The following TENM2 variants were observed in gnomAD, a reference collection of about 807,000 sequenced individuals.
TENM2 encodes the protein teneurin-2.
Under a neutral mutation model 245.2 loss-of-function variants are expected in TENM2, and 52 were observed. That is an observed-to-expected ratio of 0.21 (90% CI 0.17 to 0.27). TENM2 has a LOEUF of 0.27. Among genes scored for constraint, TENM2 ranks in the 10% least tolerant of loss-of-function variants. The pLI, the probability that TENM2 is intolerant of heterozygous loss-of-function variation, is 1.00. For synonymous variants in TENM2, 1,363 were observed against 1,438.9 expected (o/e 0.95, Z 1.19); for missense variants, 3,046 against 3,666.8 (o/e 0.83, Z 4.37).
chr5:167,371,737 C>G (rs1489058633), intron 1 of TENM2, among the ~76,000 whole-genome samples: 1 of 152,012 alleles, frequency 6.6e-6, no homozygotes, highest in African/African-American at 2.4e-5. Context: ...ATGCCTTTTT[C>G]CCCGATTAGA....
chr5:167,569,424 C>T (rs532329608), intron 2 of TENM2, among the ~76,000 whole-genome samples: 5 of 152,072 alleles, frequency 3.3e-5, no homozygotes, highest in South Asian at 2.1e-4. Flanking sequence ...TATGGAAGAA[C>T]GGGGCACAAA....
chr5:167,083,661 C>A, the TENM2 span, among the ~76,000 whole-genome samples: 1 of 152,060 alleles, frequency 6.6e-6, no homozygotes, highest in Admixed American at 6.6e-5. Context: ...TTCAAGAGGT[C>A]CAATGCGCAC....
the TENM2 span, among the ~76,000 whole-genome samples, chr5:167,135,619 A>G: frequency 3.3e-5 from 5 of 152,134 alleles, no homozygotes; most frequent in Non-Finnish European, 5.9e-5. Flanking sequence ...TACTAAAAAT[A>G]CAAAAAATTA....
rs540471931 is a variant in TENM2, at chr5:167,431,929, A to G, written c.502+56456A>G. ...TCCAAGGTGTGATATATATATATAC[A>G]TATATATATACATATATATGTATAT... is the stretch of plus-strand genomic sequence containing the variant. On this transcript the variant is annotated intron_variant, in intron 2 of 28. Coordinates refer to ENST00000518659, the Ensembl canonical transcript of TENM2. Among the ~76,000 whole-genome samples, 82 of 99,400 alleles carry G rather than the reference A, an allele frequency of 8.2e-4. 1 individual carries two copies. In the Middle Eastern group the frequency reaches 0.05, roughly 61 times the overall value. 65.2% of individuals were successfully genotyped at this position (99,400 alleles called of 152,430 possible).
chr5:167,817,300 A>C (rs1253588319), intron 2 of TENM2, among the ~76,000 whole-genome samples: 4 of 152,202 alleles, frequency 2.6e-5, no homozygotes, highest in Non-Finnish European at 5.9e-5. Context: ...TGTAAGCAAG[A>C]AGTGTGATTA....
intron 1 of TENM2, among the ~76,000 whole-genome samples, chr5:167,352,094 A>G (rs1758956002): frequency 6.6e-6 from 1 of 152,164 alleles, no homozygotes; most frequent in Non-Finnish European, 1.5e-5. Flanking sequence ...TCATTTATCA[A>G]TAGGTAAATA....
the TENM2 span, among the ~76,000 whole-genome samples, chr5:167,112,518 C>A: frequency 1.3e-5 from 2 of 152,140 alleles, no homozygotes; most frequent in Non-Finnish European, 2.9e-5. Flanking sequence ...AAGTTGAAAT[C>A]TGACGATAAC....
exon 5 of TENM2, chr5:167,993,174 A>G (rs1484292245): frequency 1.2e-6 from 2 of 1,613,574 alleles, no homozygotes; most frequent in South Asian, 1.1e-5. Context: ...TTGCTGGCGT[A>G]TTTCATAGGT....
At chr5:167,285,650 T>C (rs1452163745) in intron 1 of TENM2, among the ~76,000 whole-genome samples, 1 of 152,250 alleles carries the variant, frequency 6.6e-6, no homozygotes. Context: ...AGTTCTGTTA[T>C]CACTTCTCCA....
chr5:167,227,515 G>T, the TENM2 span, among the ~76,000 whole-genome samples: 3 of 152,020 alleles, frequency 2.0e-5, no homozygotes, highest in African/African-American at 7.3e-5. Flanking sequence ...CATTTATGAG[G>T]GATACTTTTG....
intron 2 of TENM2, among the ~76,000 whole-genome samples, chr5:167,648,418 T>G (rs1305182984): frequency 6.6e-6 from 1 of 152,252 alleles, no homozygotes; most frequent in Non-Finnish European, 1.5e-5. Flanking sequence ...TGTCAGGCAC[T>G]GCTCAGTTTT....
At chr5:167,741,688 T>C (rs1761185602) in intron 2 of TENM2, among the ~76,000 whole-genome samples, 1 of 152,164 alleles carries the variant, frequency 6.6e-6, no homozygotes, top group African/African-American at 2.4e-5. Context: ...AGCGACTCAG[T>C]CTACCTTCTC....
intron 2 of TENM2, among the ~76,000 whole-genome samples, chr5:167,507,810 T>A (rs1562011597): frequency 6.6e-6 from 1 of 152,226 alleles, no homozygotes; most frequent in Non-Finnish European, 1.5e-5. Context: ...AATGTGAATT[T>A]CTTTTTCCTC....
chr5:167,149,275 A>G, the TENM2 span, among the ~76,000 whole-genome samples: 1 of 151,548 alleles, frequency 6.6e-6, no homozygotes, highest in Admixed American at 6.6e-5. Flanking sequence ...TCACTTATGT[A>G]TCCAGTGCCC....
intron 1 of TENM2, among the ~76,000 whole-genome samples, chr5:167,315,004 G>T (rs1331944771): frequency 6.6e-6 from 1 of 151,866 alleles, no homozygotes; most frequent in Non-Finnish European, 1.5e-5. Context: ...CATTAATTGA[G>T]TTGATATGCT....
intron 1 of TENM2, among the ~76,000 whole-genome samples, chr5:167,300,793 G>A (rs554337787): frequency 1.1e-4 from 17 of 152,212 alleles, no homozygotes; most frequent in African/African-American, 3.9e-4. Context: ...GAGGGAAAAG[G>A]CAGCAATGAG....
chr5:167,772,492 C>G (rs1002666723), intron 2 of TENM2, among the ~76,000 whole-genome samples: 1 of 152,060 alleles, frequency 6.6e-6, no homozygotes, highest in Admixed American at 6.5e-5. Flanking sequence ...TGGGCATTCT[C>G]CTAGGTTTCC....
upstream of TENM2, among the ~76,000 whole-genome samples, chr5:167,281,802 C>A (rs1771081930): frequency 6.6e-6 from 1 of 152,024 alleles, no homozygotes; most frequent in Admixed American, 6.6e-5. Context: ...AGTTCAAGAC[C>A]AGCCTGGCCA....
chr5:167,134,729 C>G, the TENM2 span, among the ~76,000 whole-genome samples: 3 of 152,134 alleles, frequency 2.0e-5, no homozygotes, highest in East Asian at 5.8e-4. Context: ...TTGGACAGAG[C>G]CATTACCAGT....
Sources: allele counts gnomAD v4.1 joint callset (sites outside exome capture counted in the v4.1 genomes callset), GRCh38; gene constraint gnomAD v4.1.1; transcripts MANE v1.5; gene names NCBI Gene and HGNC (gene_info 2026-07-23, HGNC 2026-07-21).